The following CAMTA1 variants were observed in gnomAD, a reference collection of about 807,000 sequenced individuals.
The protein encoded by CAMTA1 is calmodulin binding transcription activator 1, also known as calmodulin-binding transcription activator 1.
Under a neutral mutation model 170.9 loss-of-function variants are expected in CAMTA1, and 27 were observed. The observed-to-expected ratio is 0.16, with a 90% confidence interval of 0.12 to 0.22. The LOEUF is 0.22. Ranked by LOEUF, CAMTA1 falls within the 10% of genes least tolerant of loss-of-function variation. CAMTA1 has a pLI of 1.00. For missense variants in CAMTA1, 1,619 were observed against 2,217.2 expected (o/e 0.73, Z 5.42); for synonymous variants, 833 against 891.5 (o/e 0.93, Z 1.17).
At chr1:6,826,186 G>A (rs1647086535) in intron 3 of CAMTA1, among the ~76,000 whole-genome samples, 1 of 152,176 alleles carries the variant, frequency 6.6e-6, no homozygotes, top group Admixed American at 6.5e-5. Context: ...TTTGCGTGGT[G>A]GGAGGTTATG....
chr1:7,155,221 G>A (rs575481679), intron 4 of CAMTA1, among the ~76,000 whole-genome samples: 34 of 152,214 alleles, frequency 2.2e-4, no homozygotes, highest in African/African-American at 7.9e-4. Context: ...CAGGAAGGTG[G>A]CCTCGGGGGG....
At chr1:6,874,350 C>A (rs1198524784) in intron 3 of CAMTA1, 1 of 152,330 alleles carries the variant, frequency 6.6e-6, no homozygotes, top group African/African-American at 2.4e-5. Context: ...CACAGCAAAT[C>A]ACCCAACCTC....
intron 11 of CAMTA1, among the ~76,000 whole-genome samples, chr1:7,689,997 G>A (rs981804094): frequency 2.2e-4 from 33 of 151,886 alleles, no homozygotes; most frequent in African/African-American, 7.2e-4. Flanking sequence ...GTCTCTACTA[G>A]AAATACAAAA....
intron 6 of CAMTA1, among the ~76,000 whole-genome samples, chr1:7,468,643 C>T (rs1397564318): frequency 6.6e-6 from 1 of 152,258 alleles, no homozygotes; most frequent in African/African-American, 2.4e-5. Flanking sequence ...AATGCATCCT[C>T]TGATTTGCAG....
rs60783788 is a variant in CAMTA1 at position 6,810,872 on chromosome 1, C to T, written c.46-9309C>T. On this transcript the variant is annotated intron_variant, in intron 1 of 22. Coordinates refer to ENST00000303635, the MANE Select transcript of CAMTA1 (RefSeq NM_015215.4). ...GTCCATCATAAAGTTTGTCCTCCAC[C>T]GTAGAGGGGTGGTGACGGGATTAGA... Among the ~76,000 whole-genome samples, 7 of 152,200 alleles carry T rather than the reference C, an allele frequency of 4.6e-5. No individual in the cohort carries two copies. In the East Asian group the frequency reaches 1.2e-3, roughly 25 times the overall value.
chr1:7,347,114 C>A lies in CAMTA1; in HGVS notation c.438+97488C>A, dbSNP rs532996264. ...TGAGCTATTTATGGTCAGGAGAGAT[C>A]CGGCTGCCTCATCCCGGTGGCAGCG... On this transcript the variant is annotated intron_variant, in intron 5 of 22. Coordinates refer to ENST00000303635, the MANE Select transcript of CAMTA1 (RefSeq NM_015215.4). Among the ~76,000 whole-genome samples the A allele has an allele frequency of 2.6e-5, 4 of 152,326 alleles. No homozygotes were observed. The South Asian group carries it at 8.3e-4, about 32-fold the overall frequency.
At chr1:7,016,511 A>G (rs184477647) in intron 3 of CAMTA1, among the ~76,000 whole-genome samples, 143 of 152,380 alleles carry the variant, frequency 9.4e-4, no homozygotes, top group Middle Eastern at 3.4e-3. Flanking sequence ...AAAAATCTCC[A>G]GTAAACATAA....
Position 7,460,449 on chromosome 1 carries a change from G to A in CAMTA1, c.439-7381G>A, listed in dbSNP as rs779219379. The stretch of plus-strand genomic sequence containing the variant: ...ATCTCTCTCCTCTACGAGACTGGGG[G>A]AGGCTGGAGGACAAGAGCTCAAGGC... On this transcript the variant is annotated intron_variant, in intron 5 of 22. Coordinates refer to ENST00000303635, the MANE Select transcript of CAMTA1 (RefSeq NM_015215.4). Among the ~76,000 whole-genome samples, 51 of 152,298 alleles carry A rather than the reference G, an allele frequency of 3.3e-4. 1 individual carries two copies. The highest frequency in any genetic ancestry group is 6.0e-4 in the Non-Finnish European group (41 of 68,016).
At chr1:7,391,053 AGTG>A (rs569702254) in intron 5 of CAMTA1, among the ~76,000 whole-genome samples, 137 of 151,784 alleles carry the variant, frequency 9.0e-4, no homozygotes, top group African/African-American at 3.3e-3. Flanking sequence ...GCTGGAGTGC[AGTG>A]ACGCGATCTC....
chr1:7,464,587 G>A (rs921445550), intron 5 of CAMTA1, among the ~76,000 whole-genome samples: 1 of 152,146 alleles, frequency 6.6e-6, no homozygotes, highest in East Asian at 1.9e-4. Context: ...GGTGGTTTGG[G>A]CCAAGGGGTG....
At chr1:7,622,932 C>T (rs1352923647) in intron 6 of CAMTA1, among the ~76,000 whole-genome samples, 1 of 152,204 alleles carries the variant, frequency 6.6e-6, no homozygotes, top group Non-Finnish European at 1.5e-5. Flanking sequence ...TCCCTGTGAG[C>T]CCGAGTCTGT....
intron 6 of CAMTA1, among the ~76,000 whole-genome samples, chr1:7,614,690 C>T (rs1426458288): frequency 6.6e-6 from 1 of 152,166 alleles, no homozygotes; most frequent in Non-Finnish European, 1.5e-5. Flanking sequence ...TGACACCACC[C>T]CCAGAGACAG....
chr1:7,157,925 C>T (rs948708659), intron 4 of CAMTA1, among the ~76,000 whole-genome samples: 7 of 152,018 alleles, frequency 4.6e-5, no homozygotes, highest in African/African-American at 9.7e-5. Flanking sequence ...TTTGGGAGGC[C>T]GAGGAGGGCG....
At position 7,013,202 on chromosome 1, in the gene CAMTA1, CCTT is replaced by C. The variant is rs200374185; in HGVS notation, c.235-78095_235-78093del. The stretch of plus-strand genomic sequence containing the variant: ...ACCATTCTCCAGGCCCTGCCTTTGC[CCTT>C]CTTCTTTTTTTTTTTTTTTTTTTTT... On this transcript the variant is annotated intron_variant, in intron 3 of 22. Coordinates refer to ENST00000303635, the MANE Select transcript of CAMTA1 (RefSeq NM_015215.4). Among the ~76,000 whole-genome samples the C allele has an allele frequency of 6.3e-5, 7 of 111,342 alleles. No individual in the cohort carries two copies. In the East Asian group the frequency reaches 1.8e-3, roughly 29 times the overall value. The allele number at this position is 111,342 out of a possible 152,430, so 73.0% of individuals were successfully genotyped here.
At chr1:7,425,504 C>A (rs189916619) in intron 5 of CAMTA1, among the ~76,000 whole-genome samples, 3 of 152,202 alleles carry the variant, frequency 2.0e-5, no homozygotes, top group Admixed American at 6.5e-5. Context: ...AGGCCAGGGT[C>A]CTTCAGAGCA....
intron 4 of CAMTA1, among the ~76,000 whole-genome samples, chr1:7,102,982 G>A (rs1276919736): frequency 1.3e-5 from 2 of 152,250 alleles, no homozygotes; most frequent in Admixed American, 6.5e-5. Context: ...GGACATAGTG[G>A]TGGTGACCAA....
In CAMTA1 at chr1:7,635,245, G is replaced by A. The variant is rs1406289048; in HGVS notation, c.511-5155G>A. Among the ~76,000 whole-genome samples, 1 of 152,120 alleles carries A rather than the reference G, an allele frequency of 6.6e-6. No homozygotes were observed. The highest frequency in any genetic ancestry group is 2.4e-5 in the African/African-American group (1 of 41,410). On this transcript the variant is annotated intron_variant, in intron 6 of 22. Transcript: ENST00000303635. This position sits in a 1 kb window ranked among gnomAD's most constrained non-coding sequence, Gnocchi z 4.4. The stretch of plus-strand genomic sequence containing the variant: ...TGAACCCACAGGGCCTGACAGGGTG[G>A]TGAACCCCACGGAAACATCAGGGCA...
At chr1:7,397,614 C>T (rs1209985313) in intron 5 of CAMTA1, among the ~76,000 whole-genome samples, 2 of 151,886 alleles carry the variant, frequency 1.3e-5, no homozygotes, top group Non-Finnish European at 2.9e-5. Flanking sequence ...TATTTGAGAT[C>T]TTTCTACTTT....
Position 7,481,880 on chromosome 1 carries a change from T to C in CAMTA1, c.510+13979T>C, listed in dbSNP as rs932459862. 5.9e-5 allele frequency among the ~76,000 whole-genome samples: 9 copies of C among 151,946 alleles called. No homozygotes were observed. The South Asian group carries it at 6.2e-4, about 11-fold the overall frequency. ...CATACATGTTAAGTGCACTAGTTGATGAGTTTTGATCGATGCGTGCGTCAG... is the reference window on the plus strand; with the variant it reads ...CATACATGTTAAGTGCACTAGTTGACGAGTTTTGATCGATGCGTGCGTCAG... On this transcript the variant is annotated intron_variant, in intron 6 of 22. Coordinates refer to ENST00000303635, the MANE Select transcript of CAMTA1 (RefSeq NM_015215.4).
Sources: gnomAD v4.1 joint callset for allele counts (sites outside exome capture counted in the v4.1 genomes callset) on GRCh38, gnomAD v4.1.1 for gene constraint, Gnocchi (gnomAD v3.1) non-coding constraint, MANE v1.5 for transcripts, NCBI Gene and HGNC (gene_info 2026-07-23, HGNC 2026-07-21) for gene names.